ATG10: variants seen among roughly 807,000 people sequenced by gnomAD.
ATG10 encodes the protein ubiquitin-like-conjugating enzyme ATG10.
A neutral mutation model predicts 32.1 loss-of-function variants in ATG10; 30 were observed. That is an observed-to-expected ratio of 0.94 (90% CI 0.70 to 1.27). The LOEUF (loss-of-function observed/expected upper bound fraction) is 1.27, where lower values mean the gene tolerates loss of function less well. Ranked by LOEUF, ATG10 falls within the 50% of genes most tolerant of loss-of-function variation. The pLI is 0.00. For missense variants in ATG10, 233 were observed against 262.3 expected, an observed-to-expected ratio of 0.89 and a Z score of 0.77; for synonymous variants, 87 against 91.5, an observed-to-expected ratio of 0.95 and a Z score of 0.28.
At chr5:82,106,663 T>C (rs1322089495) in intron 3 of ATG10, among the ~76,000 whole-genome samples, 1 of 152,124 alleles carries the variant, frequency 6.6e-6, no homozygotes, top group Admixed American at 6.6e-5. Context: ...CAGGTTAATC[T>C]TACTATGGTA....
chr5:82,057,435 A>G (rs1199057473), intron 2 of ATG10, among the ~76,000 whole-genome samples: 1 of 152,156 alleles, frequency 6.6e-6, no homozygotes, highest in Non-Finnish European at 1.5e-5. Context: ...TCTAGCTTCC[A>G]GTGGCTGATG....
intron 2 of ATG10, among the ~76,000 whole-genome samples, chr5:82,005,022 T>G (rs1316521969): frequency 6.6e-6 from 1 of 152,166 alleles, no homozygotes; most frequent in Non-Finnish European, 1.5e-5. Context: ...TAAAAGGACT[T>G]TTTTTGAGTT....
chr5:82,196,066 T>C (rs1744840225), intron 5 of ATG10, among the ~76,000 whole-genome samples: 1 of 152,194 alleles, frequency 6.6e-6, no homozygotes, highest in African/African-American at 2.4e-5. Context: ...TTATCTTTCT[T>C]TTAAATTACA....
At chr5:82,170,905 C>A (rs1272845874) in intron 4 of ATG10, among the ~76,000 whole-genome samples, 1 of 152,096 alleles carries the variant, frequency 6.6e-6, no homozygotes, top group East Asian at 1.9e-4. Flanking sequence ...CGAGATCACG[C>A]CACTGCAGTG....
chr5:81,990,792 C>A lies in ATG10; in HGVS notation c.108+3114C>A, dbSNP rs534692429. 2.4e-4 allele frequency among the ~76,000 whole-genome samples: 36 copies of A among 152,264 alleles called. 2 individuals carry two copies. The South Asian group carries it at 7.5e-3, about 32-fold the overall frequency. ...ACTGAGTCTGGAAATCTGTGGCTGA[C>A]CAGAGTGCATGGCCTATTGCTAGGC... On this transcript the variant is annotated intron_variant, in intron 2 of 7. Coordinates refer to ENST00000282185, the MANE Select transcript of ATG10 (RefSeq NM_031482.5).
intron 1 of ATG10, chr5:81,976,411 TTAAAA>T (rs1424512283): frequency 6.6e-6 from 1 of 152,034 alleles, no homozygotes; most frequent in African/African-American, 2.4e-5. Context: ...GCTTCCTGTG[TTAAAA>T]TAATTAATTG....
chr5:82,184,635 A>C (rs962472512), intron 5 of ATG10, among the ~76,000 whole-genome samples: 2 of 151,858 alleles, frequency 1.3e-5, no homozygotes, highest in Non-Finnish European at 2.9e-5. Flanking sequence ...ACCTTAACGG[A>C]CTCCTTTCTC....
chr5:82,149,341 C>G (rs967664888), intron 3 of ATG10, among the ~76,000 whole-genome samples: 2 of 151,590 alleles, frequency 1.3e-5, no homozygotes, highest in African/African-American at 4.9e-5. Flanking sequence ...TACTTGTGCT[C>G]CTGAAATCGC....
Position 82,144,190 on chromosome 5 carries a change from G to GT in ATG10, c.217-20205dup, listed in dbSNP as rs561846249. On this transcript the variant is annotated intron_variant, in intron 3 of 7. Coordinates refer to ENST00000282185, the MANE Select transcript of ATG10 (RefSeq NM_031482.5). The stretch of plus-strand genomic sequence containing the variant: ...AATGATAATCCTTTTTTCATTTCTG[G>GT]TTTTGATGATTTTTGTCCTCTCTAC... Among the ~76,000 whole-genome samples the GT allele has an allele frequency of 6.6e-5, 10 of 151,698 alleles. No homozygotes were observed. The South Asian group carries it at 1.9e-3, about 28-fold the overall frequency.
intron 4 of ATG10, among the ~76,000 whole-genome samples, chr5:82,177,327 C>T (rs981591950): frequency 2.0e-5 from 3 of 152,110 alleles, no homozygotes; most frequent in Admixed American, 6.6e-5. Context: ...CTTTTTCCCC[C>T]AACATCATAC....
At chr5:81,982,024 C>T (rs2149657546) in intron 1 of ATG10, among the ~76,000 whole-genome samples, 1 of 152,322 alleles carries the variant, frequency 6.6e-6, no homozygotes, top group Non-Finnish European at 1.5e-5. Flanking sequence ...CTTGGAAAAA[C>T]AGAAAATTAT....
intron 2 of ATG10, among the ~76,000 whole-genome samples, chr5:82,035,782 A>G (rs1282016283): frequency 6.7e-6 from 1 of 148,238 alleles, no homozygotes; most frequent in East Asian, 1.9e-4. Context: ...ATAATCCTAT[A>G]TAATAATATA....
chr5:82,179,435 C>G (rs1479862239), intron 5 of ATG10, among the ~76,000 whole-genome samples: 2 of 152,072 alleles, frequency 1.3e-5, no homozygotes, highest in East Asian at 3.8e-4. Context: ...TACTGTTTTA[C>G]AGTTTTACTC....
At chr5:82,111,810 A>G (rs747257760) in intron 3 of ATG10, among the ~76,000 whole-genome samples, 4 of 152,024 alleles carry the variant, frequency 2.6e-5, no homozygotes, top group Non-Finnish European at 5.9e-5. Flanking sequence ...AAACCAGAAG[A>G]CATTACAAAA....
chr5:82,081,569 G>GA (rs1401236639), intron 3 of ATG10, among the ~76,000 whole-genome samples: 1 of 152,162 alleles, frequency 6.6e-6, no homozygotes, highest in African/African-American at 2.4e-5. Flanking sequence ...TTAGCATGAA[G>GA]GCTGTTGAAT....
At chr5:82,187,136 C>T (rs1409658738) in intron 5 of ATG10, among the ~76,000 whole-genome samples, 1 of 151,082 alleles carries the variant, frequency 6.6e-6, no homozygotes, top group Admixed American at 6.6e-5. Flanking sequence ...AACAAGACCC[C>T]ATCTCTTAAA....
At chr5:82,110,512 T>A (rs1299765497) in intron 3 of ATG10, among the ~76,000 whole-genome samples, 3 of 152,174 alleles carry the variant, frequency 2.0e-5, no homozygotes, top group Admixed American at 2.0e-4. Context: ...TGAGATGGTA[T>A]CTCATTGTGG....
intron 2 of ATG10, among the ~76,000 whole-genome samples, chr5:82,014,869 T>G (rs1712049358): frequency 6.6e-6 from 1 of 152,210 alleles, no homozygotes; most frequent in African/African-American, 2.4e-5. Context: ...ATCCTGTCAT[T>G]ATGATGTTAG....
chr5:82,203,653 G>T (rs909712791), intron 5 of ATG10, among the ~76,000 whole-genome samples: 3 of 152,060 alleles, frequency 2.0e-5, no homozygotes, highest in Admixed American at 1.3e-4. Flanking sequence ...AGCCAGGGGA[G>T]TTTAATCTGT....
Sources: gnomAD v4.1 joint callset for allele counts (sites outside exome capture counted in the v4.1 genomes callset) on GRCh38, gnomAD v4.1.1 for gene constraint, MANE v1.5 for transcripts, NCBI Gene and HGNC (gene_info 2026-07-23, HGNC 2026-07-21) for gene names.